MRPS25: variants seen among roughly 807,000 people sequenced by gnomAD.
MRPS25 encodes mitochondrial ribosomal protein S25, also known as small ribosomal subunit protein mS25.
Under a neutral mutation model 17.3 loss-of-function variants are expected in MRPS25, and 15 were observed. That is an observed-to-expected ratio of 0.87 (90% CI 0.58 to 1.34). The LOEUF is 1.34. Ranked by LOEUF, MRPS25 falls within the 40% of genes most tolerant of loss-of-function variation. The pLI, the probability that MRPS25 is intolerant of heterozygous loss-of-function variation, is 0.00. For missense variants in MRPS25, 225 were observed against 218.6 expected (o/e 1.03, Z -0.19); for synonymous variants, 94 against 83.3 (o/e 1.13, Z -0.70).
intron 1 of MRPS25, among the ~76,000 whole-genome samples, chr3:15,060,883 A>AAAATAAAT (rs71045131): frequency 1.7e-4 from 25 of 151,354 alleles, no homozygotes; most frequent in East Asian, 5.8e-4. Context: ...TCCATCTCAA[A>AAAATAAAT]AAATAAATAA....
In MRPS25 at chr3:15,065,209, C is replaced by CG; in HGVS notation, c.-16dup. On this transcript the variant is annotated 5_prime_UTR_variant, in exon 1 of 4. Coordinates refer to ENST00000253686, the MANE Select transcript of MRPS25 (RefSeq NM_022497.5). Reference sequence around the variant, plus strand: ...TTCATGGGCATGGCGGCAACGGTGGCGGGGCCGACCCCACGGGCCGCGAGC... The same window carrying CG: ...TTCATGGGCATGGCGGCAACGGTGGCGGGGGCCGACCCCACGGGCCGCGAGC... 1.3e-6 allele frequency: 2 copies of CG among 1,575,174 alleles called. No individual in the cohort carries two copies. Among genetic ancestry groups the CG allele is most frequent in the Non-Finnish European group, 1.7e-6 (2 of 1,163,022 alleles).
Position 15,065,089 on chromosome 3 carries a change from T to G in MRPS25, c.106A>C (p.Thr36Pro). 6.2e-7 allele frequency: 1 copy of G among 1,605,752 alleles called. No individual in the cohort carries two copies. The highest frequency in any genetic ancestry group is 8.5e-7 in the Non-Finnish European group (1 of 1,176,718). Residue 36 changes from threonine to proline, a missense_variant, in exon 1 of 4, where the codon ACG becomes CCG. Coordinates refer to ENST00000253686, the MANE Select transcript of MRPS25 (RefSeq NM_022497.5). ...SVKVMTVNYN[T>P]HGELGEGARK... ...GCGCCCTCGCCCAGCTCCCCATGCG[T>G]GTTGTAATTCACTGTCATGACCTTC...
intron 1 of MRPS25, among the ~76,000 whole-genome samples, chr3:15,061,183 C>CCT: frequency 6.6e-6 from 1 of 152,040 alleles, no homozygotes; most frequent in Admixed American, 6.5e-5. Flanking sequence ...AAGTTAAGTC[C>CCT]CTCTCTCTCT....
intron 2 of MRPS25, among the ~76,000 whole-genome samples, chr3:15,054,253 T>G (rs1415283850): frequency 1.3e-5 from 2 of 151,666 alleles, no homozygotes; most frequent in Non-Finnish European, 2.9e-5. Flanking sequence ...GGAACAAAAC[T>G]GAGTCCAGAA....
chr3:15,051,771 A>AAACCTCC lies in MRPS25; in HGVS notation c.*669_*670insGGAGGTT, dbSNP rs1473278209. 1.0e-5 allele frequency: 10 copies of AAACCTCC among 985,494 alleles called. No individual in the cohort carries two copies. In the East Asian group the frequency reaches 1.0e-3, roughly 101 times the overall value. The allele number at this position is 985,494 out of a possible 1,614,324, so 61.0% of individuals were successfully genotyped here. On this transcript the variant is annotated 3_prime_UTR_variant, in exon 4 of 4. Coordinates refer to ENST00000253686, the MANE Select transcript of MRPS25 (RefSeq NM_022497.5). The stretch of plus-strand genomic sequence containing the variant: ...CCTACAAACCTCCCTGCTAATGCAC[A>AAACCTCC]CAGTGGCTGGGCCATGGGTTGGCAG...
At chr3:15,044,037 T>G (rs1335580904), downstream of MRPS25, 1 of 151,664 alleles carries the variant, frequency 6.6e-6, no homozygotes, top group Non-Finnish European at 1.5e-5. Context: ...GGCCTTGGAG[T>G]GTGAGCGTTA....
intron 2 of MRPS25, among the ~76,000 whole-genome samples, chr3:15,056,497 C>T (rs1451998196): frequency 6.6e-6 from 1 of 152,164 alleles, no homozygotes; most frequent in Non-Finnish European, 1.5e-5. Flanking sequence ...TCCAGTGGGC[C>T]CAGGTTAACC....
At chr3:15,057,508 A>G (rs890589771) in intron 2 of MRPS25, among the ~76,000 whole-genome samples, 1 of 152,228 alleles carries the variant, frequency 6.6e-6, no homozygotes, top group African/African-American at 2.4e-5. Context: ...AACATGAGTA[A>G]AAGACACCAG....
At chr3:15,061,105 T>C (rs2042747543) in intron 1 of MRPS25, among the ~76,000 whole-genome samples, 2 of 152,112 alleles carry the variant, frequency 1.3e-5, no homozygotes, top group South Asian at 4.2e-4. Context: ...GACGTTCCCA[T>C]ACTTTAAACT....
In MRPS25 at chr3:15,065,234, CCGAGCAG is replaced by C. The variant is rs1559331695; in HGVS notation, c.-47_-41del. 1 of 1,552,780 alleles carries C rather than the reference CCGAGCAG, an allele frequency of 6.4e-7. No homozygotes were observed. Among genetic ancestry groups the C allele is most frequent in the East Asian group, 2.4e-5 (1 of 41,834 alleles). ...CGGGGCCGACCCCACGGGCCGCGAG[CCGAGCAG>C]CGACGAGAAAGGACTAGCTAGCACC... On this transcript the variant is annotated 5_prime_UTR_variant, in exon 1 of 4. Coordinates refer to ENST00000253686, the MANE Select transcript of MRPS25 (RefSeq NM_022497.5).
chr3:15,042,898 CTTTT>C, downstream of MRPS25: 1 of 1,613,768 alleles, frequency 6.2e-7, no homozygotes, highest in Non-Finnish European at 8.5e-7. Flanking sequence ...AACAGAAGAA[CTTTT>C]TTTTACTGGT....
At chr3:15,047,303 A>G (rs1219477443), downstream of MRPS25, 4 of 152,056 alleles carry the variant, frequency 2.6e-5, no homozygotes, top group Non-Finnish European at 4.4e-5. Context: ...CAGAATCTCC[A>G]CTCTGCAAAA....
rs1368135493 is a variant in MRPS25 at position 15,051,669 on chromosome 3, G to C, written c.*772C>G. The C allele has an allele frequency of 1.2e-5, 12 of 985,696 alleles. No individual in the cohort carries two copies. Among genetic ancestry groups the C allele is most frequent in the African/African-American group, 1.7e-5 (1 of 57,268 alleles). The allele number at this position is 985,696 out of a possible 1,614,324, so 61.1% of individuals were successfully genotyped here. Reference sequence around the variant, plus strand: ...TAAGCAGGGCCTGAGGGAGCCAGCAGAGCCAGCTATAGACACCATCCCCCC... The same window carrying C: ...TAAGCAGGGCCTGAGGGAGCCAGCACAGCCAGCTATAGACACCATCCCCCC... On this transcript the variant is annotated 3_prime_UTR_variant, in exon 4 of 4. Transcript: ENST00000253686.
intron 3 of MRPS25, 162 bp downstream of exon 3, chr3:15,053,218 C>T (rs996019302): frequency 9.1e-6 from 13 of 1,430,742 alleles, no homozygotes; most frequent in African/African-American, 2.9e-5. Flanking sequence ...TGGTAAAGAG[C>T]AACATCAGAA....
chr3:15,048,127 T>G (rs1412152671), downstream of MRPS25: 3 of 152,688 alleles, frequency 2.0e-5, no homozygotes, highest in South Asian at 2.1e-4. Flanking sequence ...GTTATCAAAA[T>G]GTTTTAAAAA....
At chr3:15,047,946 A>T (rs1380134215), downstream of MRPS25, 2 of 152,316 alleles carry the variant, frequency 1.3e-5, no homozygotes, top group Non-Finnish European at 2.9e-5. Context: ...TACTCGGACG[A>T]ATTTTCCCCC....
chr3:15,063,822 G>A (rs899140119), intron 1 of MRPS25, among the ~76,000 whole-genome samples: 3 of 146,504 alleles, frequency 2.0e-5, no homozygotes, highest in Non-Finnish European at 3.0e-5. Flanking sequence ...GCTGCGGGCC[G>A]CACCGAGACC....
intron 1 of MRPS25, among the ~76,000 whole-genome samples, chr3:15,064,852 C>T (rs1333318089): frequency 6.6e-6 from 1 of 152,232 alleles, no homozygotes; most frequent in African/African-American, 2.4e-5. Context: ...CCTCCGCCCC[C>T]CAAACCTCGT....
intron 2 of MRPS25, among the ~76,000 whole-genome samples, chr3:15,056,107 C>T (rs1449931570): frequency 4.6e-5 from 7 of 150,650 alleles, no homozygotes; most frequent in Non-Finnish European, 7.4e-5. Context: ...CCCAGCTACT[C>T]GGGAGGCTGA....
Sources: allele counts gnomAD v4.1 joint callset (sites outside exome capture counted in the v4.1 genomes callset), GRCh38; gene constraint gnomAD v4.1.1; transcripts MANE v1.5; gene names NCBI Gene and HGNC (gene_info 2026-07-23, HGNC 2026-07-21).